MAPRE2: variants seen among roughly 807,000 people sequenced by gnomAD.
MAPRE2 encodes the protein microtubule associated protein RP/EB family member 2.
In MAPRE2, 13 loss-of-function variants were observed where a neutral mutation model predicts 43.2. The observed-to-expected ratio is 0.30, with a 90% CI of 0.20 to 0.48. The LOEUF (loss-of-function observed/expected upper bound fraction) is 0.48. MAPRE2 is among the 20% of genes least tolerant of loss of function. MAPRE2 has a pLI of 0.99. For missense variants in MAPRE2, 161 were observed against 400.2 expected, an observed-to-expected ratio of 0.40 and a Z score of 5.10; for synonymous variants, 135 against 148.8, an observed-to-expected ratio of 0.91 and a Z score of 0.68.
rs372900950 is a variant in MAPRE2 at position 35,126,370 on chromosome 18, A to G, written c.611-578A>G. Among the ~76,000 whole-genome samples the G allele has an allele frequency of 8.5e-5, 13 of 152,288 alleles. 1 individual carries two copies. Among genetic ancestry groups the G allele is most frequent in the Admixed American group, 3.9e-4 (6 of 15,302 alleles). On this transcript the variant is annotated intron_variant, in intron 4 of 6. Coordinates refer to ENST00000300249, the MANE Select transcript of MAPRE2 (RefSeq NM_014268.4). ...CCTGAACATTCCCTGCACCATCCCT[A>G]GAATCAGCCATTTCTCAAGAAGCCC...
chr18:34,982,006 T>A (rs2150569455), intron 1 of MAPRE2, among the ~76,000 whole-genome samples: 1 of 151,468 alleles, frequency 6.6e-6, no homozygotes, highest in African/African-American at 2.4e-5. Context: ...TGCCTCAGCC[T>A]CCCGAGTAGC....
rs138019731 is a variant in MAPRE2 at position 35,008,788 on chromosome 18, A to G, written c.-8+3235A>G. 3.9e-3 allele frequency among the ~76,000 whole-genome samples: 587 copies of G among 152,296 alleles called. 2 individuals are homozygous for G. Among genetic ancestry groups the G allele is most frequent in the African/African-American group, 0.013 (559 of 41,570 alleles). ...GGACAGACCATTTTTATGACTTTTA[A>G]TCTAGTTTACTATATTTTTCCCAGA... On this transcript the variant is annotated intron_variant, in intron 2 of 7. Transcript: ENST00000413393.
intron 1 of MAPRE2, among the ~76,000 whole-genome samples, chr18:35,055,339 G>T (rs528360908): frequency 1.3e-5 from 2 of 152,164 alleles, no homozygotes; most frequent in East Asian, 3.9e-4. Context: ...GCCCATCTCT[G>T]CCTTTCATTA....
chr18:35,111,004 A>G (rs148599317), intron 4 of MAPRE2, among the ~76,000 whole-genome samples: 325 of 152,218 alleles, frequency 2.1e-3, no homozygotes, highest in African/African-American at 7.5e-3. Context: ...AAAGATTCCA[A>G]GCATTATTTT....
Position 35,077,237 on chromosome 18 carries a change from G to A in MAPRE2, c.250+6915G>A, listed in dbSNP as rs558359264. Among the ~76,000 whole-genome samples the A allele has an allele frequency of 3.4e-4, 40 of 119,022 alleles. No homozygotes were observed. The South Asian group carries it at 9.0e-3, about 27-fold the overall frequency. 78.1% of individuals were successfully genotyped at this position (119,022 alleles called of 152,430 possible). A position where few individuals can be genotyped will look rare whatever the true frequency, so the allele number is the denominator to read the frequency against. ...CTCTCTCTCTCTCACAGATACGCGCGCGTGCGCGCGCGCACACACACACAC... is the reference window on the plus strand; with the variant it reads ...CTCTCTCTCTCTCACAGATACGCGCACGTGCGCGCGCGCACACACACACAC... On this transcript the variant is annotated intron_variant, in intron 2 of 6. Transcript: ENST00000300249.
At chr18:35,132,640 G>GTC (rs1340891907) in intron 6 of MAPRE2, among the ~76,000 whole-genome samples, 1 of 152,172 alleles carries the variant, frequency 6.6e-6, no homozygotes, top group Non-Finnish European at 1.5e-5. Context: ...GTTACTCATT[G>GTC]CCAGGACAGA....
At position 35,105,669 on chromosome 18, in the gene MAPRE2, A is replaced by G. The variant is rs149736566; in HGVS notation, c.610+3510A>G. Among the ~76,000 whole-genome samples the G allele has an allele frequency of 2.3e-3, 347 of 152,228 alleles. 3 individuals carry two copies. The highest frequency in any genetic ancestry group is 8.7e-3 in the South Asian group (42 of 4,822). On this transcript the variant is annotated intron_variant, in intron 4 of 6. Transcript: ENST00000300249. ...GTGTTTGCTCTTTCTTAATTTAGAC[A>G]TAATTGTAATAAAGATGGGGATGTG... is the stretch of plus-strand genomic sequence containing the variant.
chr18:35,019,866 C>A (rs1208077449), intron 2 of MAPRE2, among the ~76,000 whole-genome samples: 1 of 152,052 alleles, frequency 6.6e-6, no homozygotes, highest in African/African-American at 2.4e-5. Context: ...GATATTACCT[C>A]AGATTTTTAA....
In MAPRE2 at chr18:35,113,111, T is replaced by TG. The variant is rs1002397685; in HGVS notation, c.610+10959dup. On this transcript the variant is annotated intron_variant, in intron 4 of 6. Transcript: ENST00000300249. ...GGGATTAGGTTTCAACGTATAGATC[T>TG]GGGGGGGAACACAAACATTCAGACT... Among the ~76,000 whole-genome samples, 13 of 152,264 alleles carry TG rather than the reference T, an allele frequency of 8.5e-5. No individual in the cohort carries two copies. In the South Asian group the frequency reaches 1.5e-3, roughly 17 times the overall value.
At chr18:35,041,895 C>G in intron 1 of MAPRE2, 1 of 916,226 alleles carries the variant, frequency 1.1e-6, no homozygotes, top group Non-Finnish European at 1.6e-6. Context: ...TTCGAGGGGT[C>G]TCCCTCCATC....
At chr18:35,106,562 A>G (rs1908917379) in intron 4 of MAPRE2, among the ~76,000 whole-genome samples, 1 of 152,174 alleles carries the variant, frequency 6.6e-6, no homozygotes, top group African/African-American at 2.4e-5. Context: ...TTGCTTATGT[A>G]TAAAATAGAT....
chr18:35,055,859 G>T (rs556299838), intron 1 of MAPRE2, among the ~76,000 whole-genome samples: 3 of 152,020 alleles, frequency 2.0e-5, no homozygotes, highest in African/African-American at 7.2e-5. Flanking sequence ...GGAGGCTGGG[G>T]CAGGAGAATC....
chr18:34,986,328 A>G (rs556280729), intron 1 of MAPRE2, among the ~76,000 whole-genome samples: 2 of 152,206 alleles, frequency 1.3e-5, no homozygotes, highest in African/African-American at 4.8e-5. Flanking sequence ...ATTTAACAAC[A>G]TTTGATATGA....
intron 1 of MAPRE2, among the ~76,000 whole-genome samples, chr18:34,986,804 A>G (rs1195891270): frequency 6.6e-6 from 1 of 152,210 alleles, no homozygotes; most frequent in Non-Finnish European, 1.5e-5. Context: ...ATAACCAGTT[A>G]AATTTGATTT....
intron 3 of MAPRE2, 97 bp downstream of exon 3, chr18:35,097,688 C>A: frequency 9.7e-7 from 1 of 1,030,216 alleles, no homozygotes; most frequent in Non-Finnish European, 1.4e-6. Context: ...TGGGATATAT[C>A]TTGATATCCC....
chr18:35,100,009 C>T (rs555096624), intron 3 of MAPRE2, among the ~76,000 whole-genome samples: 3 of 152,202 alleles, frequency 2.0e-5, no homozygotes, highest in Middle Eastern at 3.4e-3. Flanking sequence ...AGTGGCAAAG[C>T]CTTGTTCAAA....
At position 35,041,426 on chromosome 18, in the gene MAPRE2, G is replaced by A; in HGVS notation, c.-114G>A. On this transcript the variant is annotated 5_prime_UTR_variant, in exon 1 of 7. Transcript: ENST00000300249. ...AGCGAGAGCTGGGAGAAGGCAGTGA[G>A]CGAGCAGGCGGCAGGCACGGTCCGT... 6.4e-7 allele frequency: 1 copy of A among 1,570,900 alleles called. No individual in the cohort carries two copies. The highest frequency in any genetic ancestry group is 8.6e-7 in the Non-Finnish European group (1 of 1,158,796).
At chr18:35,035,182 A>G (rs1278004855) in intron 2 of MAPRE2, among the ~76,000 whole-genome samples, 1 of 152,118 alleles carries the variant, frequency 6.6e-6, no homozygotes, top group African/African-American at 2.4e-5. Flanking sequence ...CTATGCAGCC[A>G]TAAAAAATGA....
At chr18:34,985,251 A>AT (rs1481846390) in intron 1 of MAPRE2, among the ~76,000 whole-genome samples, 30 of 53,314 alleles carry the variant, frequency 5.6e-4, no homozygotes, top group African/African-American at 2.2e-3. Context: ...AATATAAAAT[A>AT]TATAATATAA....
Sources: allele counts gnomAD v4.1 joint callset (sites outside exome capture counted in the v4.1 genomes callset), GRCh38; gene constraint gnomAD v4.1.1; transcripts MANE v1.5; gene names NCBI Gene and HGNC (gene_info 2026-07-23, HGNC 2026-07-21).